Variants in BTBD2 observed in about 807,000 individuals in gnomAD.
The protein encoded by BTBD2 is BTB domain containing 2, also known as BTB/POZ domain-containing protein 2.
In BTBD2, 15 loss-of-function variants were observed where a neutral mutation model predicts 44.0. The ratio of observed to expected loss-of-function variants is 0.34; its 90% CI spans 0.23 to 0.53. BTBD2 has a LOEUF of 0.53. BTBD2 is among the 20% of genes least tolerant of loss of function. The pLI is 0.95. For synonymous variants in BTBD2, 443 were observed against 335.9 expected (o/e 1.32, Z -3.49); for missense variants, 657 against 746.4 (o/e 0.88, Z 1.39).
chr19:1,986,787 G>C (rs767698515), intron 8 of BTBD2, 43 bp downstream of exon 8: 5 of 1,575,682 alleles, frequency 3.2e-6, no homozygotes, highest in Non-Finnish European at 4.3e-6. Context: ...TTCAGGATGG[G>C]CCAGAGACTC....
intron 1 of BTBD2, chr19:2,014,737 T>TTGGAGGGTCCCAGGAA (rs1404732588): frequency 6.7e-6 from 1 of 150,144 alleles, no homozygotes; most frequent in East Asian, 2.1e-4. Context: ...GCAGGCCGAG[T>TTGGAGGGTCCCAGGAA]TGGAGGGTCC....
intron 1 of BTBD2, chr19:2,013,546 CCTT>C: frequency 1.0e-6 from 1 of 986,062 alleles, no homozygotes; most frequent in Non-Finnish European, 1.2e-6. Context: ...GGGGAGACAA[CCTT>C]CTGCAGAGTC....
In BTBD2 at chr19:1,986,664, G is replaced by T. The variant is rs753008752; in HGVS notation, c.1417-15C>A. 12 of 1,611,738 alleles carry T rather than the reference G, an allele frequency of 7.4e-6. No individual in the cohort carries two copies. The African/African-American group carries it at 1.2e-4, about 16-fold the overall frequency. On this transcript the variant is annotated splice_polypyrimidine_tract_variant and intron_variant, in intron 8 of 8. Coordinates refer to ENST00000255608, the MANE Select transcript of BTBD2 (RefSeq NM_017797.4). ...GAGTCTGGGCCCTGTAGGGAATAGGGGTACAGTGAGGTCAAGGACCACCAG... is the reference window on the plus strand; with the variant it reads ...GAGTCTGGGCCCTGTAGGGAATAGGTGTACAGTGAGGTCAAGGACCACCAG...
At chr19:1,990,572 GACCCAA>G (rs2016161218) in intron 4 of BTBD2, 139 bp downstream of exon 4, 5 of 775,556 alleles carry the variant, frequency 6.4e-6, no homozygotes, top group Non-Finnish European at 1.0e-5. Flanking sequence ...GCTGTGCTAG[GACCCAA>G]ACTCCTGACC....
At chr19:2,006,208 G>A (rs1246802990) in intron 1 of BTBD2, among the ~76,000 whole-genome samples, 1 of 152,004 alleles carries the variant, frequency 6.6e-6, no homozygotes, top group Non-Finnish European at 1.5e-5. Context: ...TCAACTCCTC[G>A]GTCACACTGT....
chr19:2,009,316 A>G (rs1000225194), intron 1 of BTBD2, among the ~76,000 whole-genome samples: 3 of 152,010 alleles, frequency 2.0e-5, no homozygotes, highest in African/African-American at 7.2e-5. Context: ...CTCCTGCCTC[A>G]GCCTCCCAAG....
chr19:1,994,764 A>T (rs758658698), intron 2 of BTBD2, among the ~76,000 whole-genome samples: 26 of 152,300 alleles, frequency 1.7e-4, no homozygotes, highest in African/African-American at 5.5e-4. Context: ...ATCTCAAAAA[A>T]TGAAAAAATA....
chr19:2,002,647 G>A (rs968868061), intron 1 of BTBD2: 7 of 152,364 alleles, frequency 4.6e-5, no homozygotes, highest in African/African-American at 1.7e-4. Context: ...GCCGAGGCGG[G>A]TGGATCATGA....
At chr19:1,999,288 C>G (rs529016004) in intron 1 of BTBD2, among the ~76,000 whole-genome samples, 4 of 152,324 alleles carry the variant, frequency 2.6e-5, no homozygotes, top group African/African-American at 9.6e-5. Context: ...CGAGGCCCGG[C>G]GGAAACAGGC....
intron 1 of BTBD2, among the ~76,000 whole-genome samples, chr19:2,004,125 C>A (rs959346094): frequency 2.6e-5 from 4 of 151,906 alleles, no homozygotes; most frequent in African/African-American, 9.7e-5. Flanking sequence ...GAGTTTCCCC[C>A]CTTTCTGGAC....
chr19:2,001,697 C>T (rs2016332583), intron 1 of BTBD2, among the ~76,000 whole-genome samples: 1 of 152,224 alleles, frequency 6.6e-6, no homozygotes, highest in Admixed American at 6.5e-5. Context: ...CTCCGATACC[C>T]TCTGGACATG....
chr19:2,013,032 G>A (rs964554226), intron 1 of BTBD2, among the ~76,000 whole-genome samples: 29 of 152,180 alleles, frequency 1.9e-4, no homozygotes, highest in African/African-American at 6.3e-4. Context: ...AGCTAAGGAC[G>A]ACAGAGACAG....
chr19:2,003,096 C>T (rs752666516), intron 1 of BTBD2: 1 of 151,628 alleles, frequency 6.6e-6, no homozygotes, highest in Admixed American at 6.6e-5. Context: ...GCAGGAGGAT[C>T]GTTTTAGCCC....
chr19:1,990,197 C>A lies in BTBD2; in HGVS notation c.795G>T (p.Thr265=). 3.1e-6 allele frequency: 5 copies of A among 1,595,710 alleles called. No individual in the cohort carries two copies. Among genetic ancestry groups the A allele is most frequent in the Non-Finnish European group, 4.3e-6 (5 of 1,172,104 alleles). The change falls in exon 5 of 9, where the codon ACG becomes ACT. Residue 265 remains threonine (T), a synonymous_variant. Transcript: ENST00000255608. ...TGTCGCGCTCCAGGACAGCCACCAG[C>A]GTGTCTGTGGGGTGGAGGAAGGGGC... is the stretch of plus-strand genomic sequence containing the variant. ...AEGFTDIDLD[T]LVAVLERDTL...
chr19:2,006,265 G>A (rs2016393211), intron 1 of BTBD2, among the ~76,000 whole-genome samples: 1 of 151,776 alleles, frequency 6.6e-6, no homozygotes, highest in Non-Finnish European at 1.5e-5. Context: ...GTATTGGACA[G>A]CACACATCCA....
At chr19:1,987,351 C>T (rs1459943063) in intron 6 of BTBD2, 98 bp from the exon 7 acceptor site, 1 of 1,456,884 alleles carries the variant, frequency 6.9e-7, no homozygotes, top group Non-Finnish European at 9.2e-7. Context: ...CTCCATCGTC[C>T]CTGAGTCCTC....
At chr19:2,014,957 G>C (rs2016514014) in intron 1 of BTBD2, among the ~76,000 whole-genome samples, 1 of 151,232 alleles carries the variant, frequency 6.6e-6, no homozygotes, top group Non-Finnish European at 1.5e-5. Flanking sequence ...CAGAGGCAGG[G>C]ACAGAGGGGT....
intron 1 of BTBD2, among the ~76,000 whole-genome samples, chr19:2,012,423 T>G (rs1443024858): frequency 6.6e-6 from 1 of 152,200 alleles, no homozygotes; most frequent in Non-Finnish European, 1.5e-5. Context: ...GTGCTGGGAT[T>G]CCAGGCGTGC....
Position 2,015,688 on chromosome 19 carries a change from T to C in BTBD2, c.16A>G (p.Ser6Gly), listed in dbSNP as rs2145661735. 1 of 957,944 alleles carries C rather than the reference T, an allele frequency of 1.0e-6. No individual in the cohort carries two copies. Among genetic ancestry groups the C allele is most frequent in the Non-Finnish European group, 1.2e-6 (1 of 821,236 alleles). 59.3% of individuals were successfully genotyped at this position (957,944 alleles called of 1,614,324 possible). The change falls in exon 1 of 9, where the codon AGC (serine) becomes GGC (glycine). Residue 6 changes from serine to glycine, a missense_variant. Ser to Gly is a moderately conservative substitution (Grantham distance 56). This residue lies in a region of BTBD2 where 191 missense variants were observed against 188.5 expected (regional missense o/e 1.01). Transcript: ENST00000255608. MAAGG[S>G]GGRASCPPGV... ...GGCGGGCACGACGCACGCCCGCCGC[T>C]CCCACCCGCCGCCATTTTGTGGCTG...
Sources: allele counts gnomAD v4.1 joint callset (sites outside exome capture counted in the v4.1 genomes callset), GRCh38; gene constraint gnomAD v4.1.1; regional missense constraint gnomAD v4.1.1; transcripts MANE v1.5; gene names NCBI Gene and HGNC (gene_info 2026-07-23, HGNC 2026-07-21).